DOCK9: variants seen among roughly 807,000 people sequenced by gnomAD.
DOCK9 encodes the protein dedicator of cytokinesis protein 9.
DOCK9 carries 89 observed loss-of-function variants against 263.3 expected under a neutral mutation model. The ratio of observed to expected loss-of-function variants is 0.34; its 90% confidence interval spans 0.28 to 0.40. The LOEUF (loss-of-function observed/expected upper bound fraction) is 0.40. DOCK9 is among the 10% of genes least tolerant of loss of function. The probability of loss-of-function intolerance (pLI) is 1.00; values close to 1 mark genes in which losing one functional copy is unlikely to be tolerated. For missense variants in DOCK9, 2,140 were observed against 2,603.4 expected, an observed-to-expected ratio of 0.82 and a Z score of 3.87; for synonymous variants, 976 against 973.1, an observed-to-expected ratio of 1.00 and a Z score of -0.06.
At chr13:98,924,058 T>C (rs1190020701) in intron 4 of DOCK9, among the ~76,000 whole-genome samples, 1 of 152,204 alleles carries the variant, frequency 6.6e-6, no homozygotes, top group Admixed American at 6.5e-5. Context: ...ATAGTAAGTA[T>C]ACGACATGAC....
chr13:98,876,515 G>T lies in DOCK9; in HGVS notation c.2943+3383C>A, dbSNP rs191843498. On this transcript the variant is annotated intron_variant, in intron 27 of 52. Coordinates refer to ENST00000682017, the MANE Select transcript of DOCK9 (RefSeq NM_001366683.2). ...AGGTCAGAATAAATTAATAATTTTG[G>T]TCTAAAAATATTAAAAACCCTAAGG... 1.3e-4 allele frequency among the ~76,000 whole-genome samples: 20 copies of T among 152,282 alleles called. No individual in the cohort carries two copies. The East Asian group carries it at 3.7e-3, about 28-fold the overall frequency.
At chr13:98,948,513 C>A (rs568819099) in intron 2 of DOCK9, among the ~76,000 whole-genome samples, 1 of 152,144 alleles carries the variant, frequency 6.6e-6, no homozygotes, top group African/African-American at 2.4e-5. Context: ...AATCCTATAA[C>A]GAAATCCTAT....
At chr13:98,956,657 G>C (rs1301882075) in intron 1 of DOCK9, among the ~76,000 whole-genome samples, 1 of 152,086 alleles carries the variant, frequency 6.6e-6, no homozygotes, top group African/African-American at 2.4e-5. Flanking sequence ...CGAGGCACGA[G>C]AATTACTTGA....
At chr13:98,902,569 A>C (rs527731523) in intron 11 of DOCK9, 78 bp from the exon 12 acceptor site, 1 of 1,395,118 alleles carries the variant, frequency 7.2e-7, no homozygotes, top group South Asian at 1.3e-5. Context: ...AAGAGAAATG[A>C]CAAGACCTAT....
chr13:98,847,477 T>C (rs1436149453), intron 37 of DOCK9: 2 of 152,108 alleles, frequency 1.3e-5, no homozygotes, highest in Admixed American at 6.5e-5. Flanking sequence ...CAATGAAAAA[T>C]AGAAAATATT....
intron 13 of DOCK9, among the ~76,000 whole-genome samples, chr13:98,900,543 G>A (rs535569276): frequency 1.3e-5 from 2 of 152,310 alleles, no homozygotes; most frequent in African/African-American, 4.8e-5. Context: ...CAATGTGCCT[G>A]GGTAAATGGG....
chr13:98,849,434 C>CTTT (rs34901221), intron 36 of DOCK9, among the ~76,000 whole-genome samples: 1 of 148,566 alleles, frequency 6.7e-6, no homozygotes, highest in Non-Finnish European at 1.5e-5. Flanking sequence ...TGCAGAAATT[C>CTTT]TTTTTTTTTT....
chr13:98,920,829 G>A (rs2051847258), intron 7 of DOCK9, 125 bp downstream of exon 7: 2 of 933,558 alleles, frequency 2.1e-6, no homozygotes, highest in Non-Finnish European at 3.1e-6. Flanking sequence ...CTCATTTAAA[G>A]TTATATGTTA....
At chr13:99,063,147 A>T (rs1198668810) in intron 1 of DOCK9, among the ~76,000 whole-genome samples, 1 of 152,242 alleles carries the variant, frequency 6.6e-6, no homozygotes, top group Admixed American at 6.5e-5. Flanking sequence ...AACAAAAGAA[A>T]AGAACCAACA....
At chr13:98,904,533 T>A (rs1468531974) in intron 10 of DOCK9, 99 bp downstream of exon 10, 3 of 973,202 alleles carry the variant, frequency 3.1e-6, no homozygotes, top group Non-Finnish European at 4.4e-6. Flanking sequence ...TTGCTTGTTT[T>A]TCCAAAATAA....
chr13:98,828,269 C>T (rs2092623753), intron 43 of DOCK9, among the ~76,000 whole-genome samples: 1 of 152,208 alleles, frequency 6.6e-6, no homozygotes, highest in South Asian at 2.1e-4. Flanking sequence ...AGTCTGGGTA[C>T]TTTGTTATGG....
intron 36 of DOCK9, among the ~76,000 whole-genome samples, chr13:98,849,243 G>A (rs771546938): frequency 9.2e-5 from 14 of 151,924 alleles, no homozygotes; most frequent in African/African-American, 2.7e-4. Flanking sequence ...TGAGCCAAGC[G>A]TCCACTGAGG....
chr13:98,846,100 C>G, intron 37 of DOCK9, 40 bp from the exon 38 acceptor site: 1 of 1,548,982 alleles, frequency 6.5e-7, no homozygotes, highest in South Asian at 1.2e-5. Context: ...AAAAGTTAGA[C>G]GTGTTACACT....
At chr13:98,808,762 T>C (rs1183732786) in intron 47 of DOCK9, 5 of 835,412 alleles carry the variant, frequency 6.0e-6, no homozygotes, top group Non-Finnish European at 9.6e-6. Flanking sequence ...ATATGTATTA[T>C]AATTTATACC....
At chr13:98,841,808 T>A (rs1460002982) in intron 38 of DOCK9, among the ~76,000 whole-genome samples, 1 of 150,746 alleles carries the variant, frequency 6.6e-6, no homozygotes, top group East Asian at 1.9e-4. Context: ...ATTATTATTA[T>A]TATTATTTGT....
At chr13:98,898,644 A>G (rs571146586) in intron 13 of DOCK9, among the ~76,000 whole-genome samples, 1 of 152,352 alleles carries the variant, frequency 6.6e-6, no homozygotes, top group East Asian at 1.9e-4. Context: ...TCACATTATT[A>G]GGATTGAAAT....
At chr13:99,007,838 G>A (rs556930186) in intron 1 of DOCK9, among the ~76,000 whole-genome samples, 225 of 152,290 alleles carry the variant, frequency 1.5e-3, no homozygotes, top group African/African-American at 4.7e-3. Context: ...CAAACTGCTC[G>A]AAGTCAGAAG....
rs140398881 is a variant in DOCK9 at position 98,995,485 on chromosome 13, C to CTTT, written c.130-39937_130-39935dup. Among the ~76,000 whole-genome samples the CTTT allele has an allele frequency of 1.8e-3, 217 of 121,436 alleles. 3 individuals are homozygous for CTTT. The highest frequency in any genetic ancestry group is 9.0e-3 in the East Asian group (36 of 3,990). 79.7% of individuals were successfully genotyped at this position (121,436 alleles called of 152,430 possible). A position where few individuals can be genotyped will look rare whatever the true frequency, so the allele number is the denominator to read the frequency against. On this transcript the variant is annotated intron_variant, in intron 1 of 32. Transcript: ENST00000427887. ...AAATAAGCCTCCTTTGAGGAAGATA[C>CTTT]TTTTTTTTTTTTTTTTTTTTTGAGA...
chr13:98,889,080 G>A (rs2046237229), intron 15 of DOCK9, among the ~76,000 whole-genome samples: 1 of 152,220 alleles, frequency 6.6e-6, no homozygotes, highest in Non-Finnish European at 1.5e-5. Flanking sequence ...TACAGGTCTA[G>A]ATAAAGAATA....
Sources: allele counts gnomAD v4.1 joint callset (sites outside exome capture counted in the v4.1 genomes callset), GRCh38; gene constraint gnomAD v4.1.1; transcripts MANE v1.5; gene names NCBI Gene and HGNC (gene_info 2026-07-23, HGNC 2026-07-21).